Variants in ENPP3 observed in about 807,000 individuals in gnomAD.
ENPP3 encodes ectonucleotide pyrophosphatase/phosphodiesterase 3, also known as ectonucleotide pyrophosphatase/phosphodiesterase family member 3.
ENPP3 carries 104 observed loss-of-function variants against 117.8 expected under a neutral mutation model. The ratio of observed to expected loss-of-function variants is 0.88; its 90% CI spans 0.75 to 1.04. The LOEUF (loss-of-function observed/expected upper bound fraction) is 1.04, where lower values mean the gene tolerates loss of function less well. ENPP3 is among the 50% of genes least tolerant of loss of function. The probability of loss-of-function intolerance (pLI) is 0.00; values close to 1 mark genes in which losing one functional copy is unlikely to be tolerated. For missense variants in ENPP3, 1,026 were observed against 1,051.9 expected (o/e 0.98, Z 0.34); for synonymous variants, 380 against 349.9 (o/e 1.09, Z -0.96).
intron 15 of ENPP3, among the ~76,000 whole-genome samples, chr6:131,695,229 G>T (rs1779378974): frequency 6.6e-6 from 1 of 152,058 alleles, no homozygotes; most frequent in Non-Finnish European, 1.5e-5. Context: ...TCCAAGTTGG[G>T]GTACATTCTC....
intron 10 of ENPP3, 65 bp from the exon 11 acceptor site, chr6:131,677,803 C>G: frequency 9.4e-6 from 10 of 1,066,056 alleles, no homozygotes; most frequent in Non-Finnish European, 1.3e-5. Context: ...CTACAAAATC[C>G]CCCAATCCAG....
intron 5 of ENPP3, among the ~76,000 whole-genome samples, chr6:131,654,068 G>T (rs756654130): frequency 4.0e-5 from 6 of 151,734 alleles, no homozygotes; most frequent in Non-Finnish European, 8.8e-5. Context: ...GGAATACCTG[G>T]CTTTAGGAGG....
At chr6:131,637,944 T>C (rs1177155673) in intron 1 of ENPP3, among the ~76,000 whole-genome samples, 1 of 151,250 alleles carries the variant, frequency 6.6e-6, no homozygotes, top group Non-Finnish European at 1.5e-5. Flanking sequence ...CCAAATAAAT[T>C]TTCCTTGATT....
At chr6:131,657,575 G>A (rs1778411839) in intron 5 of ENPP3, among the ~76,000 whole-genome samples, 1 of 152,168 alleles carries the variant, frequency 6.6e-6, no homozygotes, top group African/African-American at 2.4e-5. Context: ...ACAATATGGA[G>A]GAATCTCAAA....
chr6:131,723,798 C>T (rs1780085631), intron 18 of ENPP3, among the ~76,000 whole-genome samples: 1 of 130,426 alleles, frequency 7.7e-6, no homozygotes, highest in African/African-American at 2.8e-5. Flanking sequence ...TATCTTTTTG[C>T]AAATTCTCTC....
chr6:131,688,834 T>C (rs936064049), intron 14 of ENPP3, among the ~76,000 whole-genome samples: 18 of 150,486 alleles, frequency 1.2e-4, no homozygotes, highest in Middle Eastern at 6.8e-3. Flanking sequence ...GGTGGATCAT[T>C]TGAGGTCAGG....
chr6:131,656,271 A>G (rs541242471), intron 5 of ENPP3, among the ~76,000 whole-genome samples: 24 of 152,320 alleles, frequency 1.6e-4, no homozygotes, highest in African/African-American at 5.8e-4. Context: ...AGGCAGTAAA[A>G]ATAATATGGA....
chr6:131,717,395 T>C (rs1562470396), intron 15 of ENPP3, among the ~76,000 whole-genome samples: 1 of 137,048 alleles, frequency 7.3e-6, no homozygotes. Context: ...TGTGTGTGTG[T>C]GTGTGTGTGT....
In ENPP3 at chr6:131,651,695, G is replaced by T. The variant is rs145725986; in HGVS notation, c.278-847G>T. ...GGGTGTCCAGTGGTTGGAGGAGAGT[G>T]AAGATTAGAATAGTAGAGTTCCTTC... On this transcript the variant is annotated intron_variant, in intron 3 of 24. Coordinates refer to ENST00000357639, the MANE Select transcript of ENPP3 (RefSeq NM_005021.5). Among the ~76,000 whole-genome samples, 654 of 152,288 alleles carry T rather than the reference G, an allele frequency of 4.3e-3. 18 individuals are homozygous for T. The highest frequency in any genetic ancestry group is 0.038 in the Admixed American group (580 of 15,300).
At chr6:131,643,943 C>CTGTGTGTG (rs60828787) in intron 2 of ENPP3, among the ~76,000 whole-genome samples, 50 of 143,080 alleles carry the variant, frequency 3.5e-4, no homozygotes, top group African/African-American at 1.2e-3. Context: ...GTGTGTGTGT[C>CTGTGTGTG]TGTGTGTGTG....
chr6:131,641,547 T>C lies in ENPP3; in HGVS notation c.154+17T>C, dbSNP rs1450364695. On this transcript the variant is annotated intron_variant, in intron 2 of 24. Coordinates refer to ENST00000357639, the MANE Select transcript of ENPP3 (RefSeq NM_005021.5). The stretch of plus-strand genomic sequence containing the variant: ...AAAAGCAAGGTATACCCCTCAGCCT[T>C]TTCTCAGAACATTCCCTTATTTCTT... 2.0e-6 allele frequency: 3 copies of C among 1,515,380 alleles called. No homozygotes were observed. The highest frequency in any genetic ancestry group is 2.3e-5 in the East Asian group (1 of 44,380). 93.9% of individuals were successfully genotyped at this position (1,515,380 alleles called of 1,614,324 possible).
intron 20 of ENPP3, among the ~76,000 whole-genome samples, chr6:131,728,110 C>T (rs570164877): frequency 2.6e-5 from 4 of 152,262 alleles, no homozygotes; most frequent in Admixed American, 1.3e-4. Context: ...TTCATATGGA[C>T]GGTTGGTGCA....
chr6:131,657,650 A>G (rs1778413249), intron 5 of ENPP3, among the ~76,000 whole-genome samples: 1 of 152,220 alleles, frequency 6.6e-6, no homozygotes, highest in Non-Finnish European at 1.5e-5. Flanking sequence ...ATTTGCATAT[A>G]AATGTAAGTA....
chr6:131,715,867 G>A (rs887699929), intron 15 of ENPP3, among the ~76,000 whole-genome samples: 8 of 151,984 alleles, frequency 5.3e-5, no homozygotes, highest in East Asian at 1.9e-4. Flanking sequence ...GTGTTTTCTC[G>A]GTAAACAAGA....
chr6:131,663,364 G>A (rs762566560), intron 6 of ENPP3, among the ~76,000 whole-genome samples: 16 of 151,340 alleles, frequency 1.1e-4, no homozygotes, highest in Admixed American at 2.0e-4. Context: ...ATATAATGGC[G>A]GTCCCATACA....
chr6:131,675,408 T>C lies in ENPP3; in HGVS notation c.872+219T>C, dbSNP rs115504595. 1.1e-3 allele frequency: 539 copies of C among 492,012 alleles called. 5 individuals carry two copies. The highest frequency in any genetic ancestry group is 9.7e-3 in the African/African-American group (500 of 51,492). 30.5% of individuals were successfully genotyped at this position (492,012 alleles called of 1,614,324 possible). A position where few individuals can be genotyped will look rare whatever the true frequency, so the allele number is the denominator to read the frequency against. The stretch of plus-strand genomic sequence containing the variant: ...TAGCCTGAGAACTTTTTATTACCTC[T>C]AGCATTACCACTCTGGTTCGAGCTG... On this transcript the variant is annotated intron_variant, in intron 9 of 24. Coordinates refer to ENST00000357639, the MANE Select transcript of ENPP3 (RefSeq NM_005021.5).
In ENPP3 at chr6:131,746,887, T is replaced by A; in HGVS notation, c.2559T>A (p.Asp853Glu). 1.9e-6 allele frequency: 3 copies of A among 1,612,902 alleles called. No individual in the cohort carries two copies. The highest frequency in any genetic ancestry group is 1.7e-6 in the Non-Finnish European group (2 of 1,179,232). ...TCACTGGGCTTGACTTCTATCAGGA[T>A]AAAGTGCAGCCTGTCTCTGAAATTT... ...ELLTGLDFYQ[D>E]KVQPVSEILQ... The change falls in exon 25 of 25, where the codon GAT becomes GAA. Residue 853 changes from aspartate to glutamate, a missense_variant. Physicochemically the swap from Asp to Glu is conservative, Grantham distance 45 (BLOSUM62 2). Coordinates refer to ENST00000357639, the MANE Select transcript of ENPP3 (RefSeq NM_005021.5).
Position 131,720,324 on chromosome 6 carries a change from A to G in ENPP3, c.1512A>G (p.Lys504=). Reference sequence around the variant, plus strand: ...TTCTGGCACATGGACCCAGTTTTAAAGAGAAGACTGAAGTTGAACCATTTG... The same window carrying G: ...TTCTGGCACATGGACCCAGTTTTAAGGAGAAGACTGAAGTTGAACCATTTG... ...AIFLAHGPSF[K]EKTEVEPFEN... The change falls in exon 17 of 25, where the codon AAA becomes AAG. Residue 504 remains lysine (K), a synonymous_variant. Coordinates refer to ENST00000357639, the MANE Select transcript of ENPP3 (RefSeq NM_005021.5). 6.2e-7 allele frequency: 1 copy of G among 1,601,222 alleles called. No individual in the cohort carries two copies.
In ENPP3 at chr6:131,652,825, T is replaced by C. The variant is rs1778293159; in HGVS notation, c.404-6T>C. 1.2e-6 allele frequency: 2 copies of C among 1,612,610 alleles called. No individual in the cohort carries two copies. Among genetic ancestry groups the C allele is most frequent in the African/African-American group, 1.3e-5 (1 of 74,904 alleles). On this transcript the variant is annotated splice_region_variant and splice_polypyrimidine_tract_variant and intron_variant, in intron 4 of 24. Coordinates refer to ENST00000357639, the MANE Select transcript of ENPP3 (RefSeq NM_005021.5). Reference sequence around the variant, plus strand: ...AGTATCAAGATTTTGATCTTATGCTTTTCAGGAGAAACCTCATGGCTGGAA... The same window carrying C: ...AGTATCAAGATTTTGATCTTATGCTCTTCAGGAGAAACCTCATGGCTGGAA...
Sources: allele counts gnomAD v4.1 joint callset (sites outside exome capture counted in the v4.1 genomes callset), GRCh38; gene constraint gnomAD v4.1.1; transcripts MANE v1.5; gene names NCBI Gene and HGNC (gene_info 2026-07-23, HGNC 2026-07-21).